MEIS2: variants seen among roughly 807,000 people sequenced by gnomAD.
MEIS2 encodes homeobox protein Meis2.
Under a neutral mutation model 58.6 loss-of-function variants are expected in MEIS2, and 9 were observed. The observed-to-expected ratio is 0.15, with a 90% CI of 0.09 to 0.27. The LOEUF (loss-of-function observed/expected upper bound fraction) is 0.27, where lower values mean the gene tolerates loss of function less well. Ranked by LOEUF, MEIS2 falls within the 10% of genes least tolerant of loss-of-function variation. The probability of loss-of-function intolerance (pLI) is 1.00; values close to 1 mark genes in which losing one functional copy is unlikely to be tolerated. For synonymous variants in MEIS2, 221 were observed against 228.4 expected, an observed-to-expected ratio of 0.97 and a Z score of 0.29; for missense variants, 427 against 635.0, an observed-to-expected ratio of 0.67 and a Z score of 3.52.
intron 8 of MEIS2, among the ~76,000 whole-genome samples, chr15:37,026,273 T>C (rs2061702563): frequency 6.6e-6 from 1 of 152,190 alleles, no homozygotes; most frequent in Admixed American, 6.6e-5. Context: ...AAGACTAGTG[T>C]AGCACCACCC....
chr15:36,907,261 T>C (rs1385676063), intron 9 of MEIS2, among the ~76,000 whole-genome samples: 3 of 152,214 alleles, frequency 2.0e-5, no homozygotes, highest in Non-Finnish European at 4.4e-5. Context: ...TTCCAAATTG[T>C]GTCCTCCTTT....
At chr15:36,976,552 T>C (rs1040434400) in intron 8 of MEIS2, among the ~76,000 whole-genome samples, 3 of 150,910 alleles carry the variant, frequency 2.0e-5, no homozygotes, top group African/African-American at 4.9e-5. Flanking sequence ...ACATCAGTTC[T>C]TAAATACTAT....
intron 6 of MEIS2, among the ~76,000 whole-genome samples, chr15:37,087,806 G>A (rs997002394): frequency 1.3e-5 from 2 of 152,184 alleles, no homozygotes; most frequent in African/African-American, 2.4e-5. Flanking sequence ...AATAAGTCTC[G>A]GTGAATTGGT....
chr15:37,068,674 G>A (rs114556412), intron 7 of MEIS2, among the ~76,000 whole-genome samples: 4,501 of 152,164 alleles, frequency 0.03, 225 homozygotes, highest in African/African-American at 0.1. Flanking sequence ...ACTGGCAAGT[G>A]TACCATAAAA....
chr15:36,967,972 G>A (rs73391547), intron 8 of MEIS2, among the ~76,000 whole-genome samples: 17 of 152,218 alleles, frequency 1.1e-4, no homozygotes, highest in Non-Finnish European at 1.8e-4. Flanking sequence ...CTCTATTGCC[G>A]CTGCAATCAT....
intron 8 of MEIS2, among the ~76,000 whole-genome samples, chr15:36,995,106 T>C (rs1183448111): frequency 6.6e-6 from 1 of 152,198 alleles, no homozygotes; most frequent in African/African-American, 2.4e-5. Context: ...TGCCAGTGGA[T>C]CACAACTTAC....
At chr15:36,963,748 T>C (rs905797486) in intron 8 of MEIS2, among the ~76,000 whole-genome samples, 4 of 152,222 alleles carry the variant, frequency 2.6e-5, no homozygotes, top group African/African-American at 4.8e-5. Context: ...AGGCGAGATC[T>C]TTAACAAGTC....
At chr15:37,058,184 C>T in intron 7 of MEIS2, among the ~76,000 whole-genome samples, 1 of 152,100 alleles carries the variant, frequency 6.6e-6, no homozygotes, top group East Asian at 1.9e-4. Flanking sequence ...AAGGATCGTG[C>T]ATGGGCTTAA....
intron 9 of MEIS2, among the ~76,000 whole-genome samples, chr15:36,908,084 C>CTT (rs1185742974): frequency 1.5e-4 from 23 of 152,108 alleles, no homozygotes; most frequent in African/African-American, 7.2e-5. Context: ...GAATACATGA[C>CTT]TTAATATCCT....
At chr15:37,057,930 T>C (rs1004424380) in intron 7 of MEIS2, among the ~76,000 whole-genome samples, 11 of 152,152 alleles carry the variant, frequency 7.2e-5, no homozygotes, top group Admixed American at 7.2e-4. Flanking sequence ...TAAATGGCCA[T>C]TATAAACACA....
chr15:37,026,993 T>C (rs1204620716), intron 8 of MEIS2, among the ~76,000 whole-genome samples: 1 of 152,226 alleles, frequency 6.6e-6, no homozygotes, highest in Admixed American at 6.5e-5. Flanking sequence ...GCATTACTAT[T>C]ATGTTTTAAG....
intron 9 of MEIS2, among the ~76,000 whole-genome samples, chr15:36,941,754 T>TA (rs762383536): frequency 1.3e-5 from 2 of 152,190 alleles, no homozygotes; most frequent in African/African-American, 2.4e-5. Context: ...CAGGCATTCT[T>TA]ACAAGATACT....
intron 8 of MEIS2, among the ~76,000 whole-genome samples, chr15:36,999,793 T>C (rs1481043869): frequency 6.6e-6 from 1 of 152,266 alleles, no homozygotes; most frequent in Non-Finnish European, 1.5e-5. Flanking sequence ...GCAGCTATTA[T>C]GTGCTTGGCA....
rs75657062 is a variant in MEIS2, at chr15:37,043,003, A to G, written c.755-6044T>C. On this transcript the variant is annotated intron_variant, in intron 7 of 11. Coordinates refer to ENST00000561208, the MANE Select transcript of MEIS2 (RefSeq NM_170675.5). ...TTACAACGATATATTCACATCCTTT[A>G]AAGTCACTTTTTAAATAATAGAATA... Among the ~76,000 whole-genome samples the G allele has an allele frequency of 7.7e-3, 1,171 of 152,324 alleles. 16 individuals are homozygous for G. The highest frequency in any genetic ancestry group is 0.027 in the African/African-American group (1,131 of 41,568).
chr15:37,074,888 T>C (rs1368369823), intron 7 of MEIS2, among the ~76,000 whole-genome samples: 1 of 152,052 alleles, frequency 6.6e-6, no homozygotes, highest in Non-Finnish European at 1.5e-5. Context: ...CAGTAACCCA[T>C]GTAGATGAAA....
intron 7 of MEIS2, among the ~76,000 whole-genome samples, chr15:37,046,836 AATATAT>A (rs3047040): frequency 4.0e-4 from 60 of 148,736 alleles, no homozygotes; most frequent in African/African-American, 1.2e-3. Context: ...TCGTTTAAAA[AATATAT>A]ATATATATAT....
intron 8 of MEIS2, among the ~76,000 whole-genome samples, chr15:37,016,647 C>T (rs2141656274): frequency 6.6e-6 from 1 of 152,302 alleles, no homozygotes; most frequent in South Asian, 2.1e-4. Context: ...GAAATTCCTA[C>T]TATTATGCAT....
chr15:36,922,898 G>T (rs773220262), intron 9 of MEIS2, among the ~76,000 whole-genome samples: 2 of 151,952 alleles, frequency 1.3e-5, no homozygotes, highest in Non-Finnish European at 2.9e-5. Flanking sequence ...TTGCAGGCAT[G>T]AGCCACCGCT....
At chr15:36,986,513 G>A (rs192965811) in intron 8 of MEIS2, among the ~76,000 whole-genome samples, 2 of 152,176 alleles carry the variant, frequency 1.3e-5, no homozygotes, top group South Asian at 2.1e-4. Context: ...AGTTGGTTCC[G>A]GCTTCCAGCT....
Sources: allele counts gnomAD v4.1 joint callset (sites outside exome capture counted in the v4.1 genomes callset), GRCh38; gene constraint gnomAD v4.1.1; transcripts MANE v1.5; gene names NCBI Gene and HGNC (gene_info 2026-07-23, HGNC 2026-07-21).